The following PDE4D variants were observed in gnomAD, a reference collection of about 807,000 sequenced individuals.
PDE4D encodes phosphodiesterase 4D, also known as 3',5'-cyclic-AMP phosphodiesterase 4D.
Under a neutral mutation model 87.4 loss-of-function variants are expected in PDE4D, and 24 were observed. The ratio of observed to expected loss-of-function variants is 0.27; its 90% CI spans 0.20 to 0.39. PDE4D has a LOEUF of 0.39. Among genes scored for constraint, PDE4D ranks in the 10% least tolerant of loss-of-function variants. The probability of loss-of-function intolerance (pLI) is 1.00; values close to 1 mark genes in which losing one functional copy is unlikely to be tolerated. For synonymous variants in PDE4D, 384 were observed against 383.2 expected (o/e 1.00, Z -0.02); for missense variants, 714 against 1,041.0 (o/e 0.69, Z 4.32).
intron 2 of PDE4D, among the ~76,000 whole-genome samples, chr5:59,208,951 G>A (rs1581392825): frequency 6.6e-6 from 1 of 152,120 alleles, no homozygotes; most frequent in East Asian, 1.9e-4. Context: ...ACTAGTAACA[G>A]TGGCCAGCAC....
intron 6 of PDE4D, among the ~76,000 whole-genome samples, chr5:59,018,482 G>A (rs1349166278): frequency 6.6e-6 from 1 of 152,050 alleles, no homozygotes; most frequent in Non-Finnish European, 1.5e-5. Context: ...TTTGACTCTG[G>A]ACACAAACAA....
chr5:60,091,370 T>C (rs1775090809), intron 2 of PDE4D, among the ~76,000 whole-genome samples: 2 of 152,096 alleles, frequency 1.3e-5, no homozygotes. Flanking sequence ...GGCTAATGAG[T>C]GTATTTAAAA....
chr5:59,645,311 C>T (rs377195665), intron 1 of PDE4D, among the ~76,000 whole-genome samples: 6 of 152,078 alleles, frequency 3.9e-5, no homozygotes, highest in African/African-American at 9.6e-5. Context: ...GGAAAAGGCT[C>T]GAGGGGTGGG....
chr5:59,512,537 A>C (rs1165199714), intron 1 of PDE4D, among the ~76,000 whole-genome samples: 1 of 152,140 alleles, frequency 6.6e-6, no homozygotes, highest in Non-Finnish European at 1.5e-5. Context: ...AGGTGTTCAA[A>C]TGTCTCTCCA....
intron 1 of PDE4D, among the ~76,000 whole-genome samples, chr5:59,378,634 A>G (rs920255961): frequency 2.0e-5 from 3 of 152,202 alleles, no homozygotes; most frequent in African/African-American, 7.2e-5. Context: ...TTTGTACAAA[A>G]TGAAAAAGGA....
intron 1 of PDE4D, among the ~76,000 whole-genome samples, chr5:59,863,522 T>G (rs1746579464): frequency 6.6e-6 from 1 of 152,190 alleles, no homozygotes; most frequent in Non-Finnish European, 1.5e-5. Context: ...TAACTTCAGT[T>G]TGAAAAGAAT....
chr5:59,762,106 A>G (rs1479949797), intron 1 of PDE4D, among the ~76,000 whole-genome samples: 1 of 151,946 alleles, frequency 6.6e-6, no homozygotes, highest in Admixed American at 6.6e-5. Flanking sequence ...CCAGGTATAT[A>G]TATATGTGTG....
intron 1 of PDE4D, among the ~76,000 whole-genome samples, chr5:59,702,863 C>T (rs1752789143): frequency 1.1e-5 from 1 of 87,994 alleles, no homozygotes; most frequent in Non-Finnish European, 2.0e-5. Context: ...GAGTGAGACC[C>T]TGTCTCAAAA....
intron 6 of PDE4D, among the ~76,000 whole-genome samples, chr5:59,031,386 TA>T (rs1196063310): frequency 0.018 from 793 of 45,248 alleles, 10 homozygotes; most frequent in African/African-American, 0.12. Context: ...TATATATATA[TA>T]TATATTATAT....
chr5:59,551,278 AATTATAT>A (rs1245470109), intron 1 of PDE4D, among the ~76,000 whole-genome samples: 1 of 149,650 alleles, frequency 6.7e-6, no homozygotes, highest in Non-Finnish European at 1.5e-5. Context: ...ACATTAATAA[AATTATAT>A]ATTATATATT....
intron 1 of PDE4D, among the ~76,000 whole-genome samples, chr5:60,449,419 C>T (rs1397404224): frequency 6.2e-5 from 9 of 145,720 alleles, no homozygotes; most frequent in African/African-American, 1.8e-4. Context: ...CGCATATTCT[C>T]ACTCATAGGT....
intron 1 of PDE4D, among the ~76,000 whole-genome samples, chr5:59,539,618 T>C (rs975600583): frequency 6.6e-6 from 1 of 152,186 alleles, no homozygotes; most frequent in Non-Finnish European, 1.5e-5. Flanking sequence ...AGAATATATG[T>C]CTAGAGAGAA....
At position 58,974,938 on chromosome 5, in the gene PDE4D, G is replaced by A; in HGVS notation, c.2156C>T (p.Ala719Val). ...CCGGCCCTCCTCTGGGTCATCAGGT[G>A]CAGGAGAGGGGCTCTGAGGGATTGT... ...QSTIPQSPSP[A>V]PDDPEEGRQG... is the part of the protein sequence containing the mutation. The change falls in exon 15 of 15, where the codon GCA (alanine) becomes GTA (valine). Residue 719 changes from alanine (A) to valine (V), a missense_variant. Physicochemically the swap from Ala to Val is moderately conservative, Grantham distance 64 (BLOSUM62 0). Coordinates refer to ENST00000340635, the MANE Select transcript of PDE4D (RefSeq NM_001104631.2). 3 of 1,613,448 alleles carry A rather than the reference G, an allele frequency of 1.9e-6. No individual in the cohort carries two copies. Among genetic ancestry groups the A allele is most frequent in the Non-Finnish European group, 8.5e-7 (1 of 1,179,546 alleles).
chr5:59,637,749 CG>C (rs1287834129), intron 1 of PDE4D, among the ~76,000 whole-genome samples: 5 of 151,512 alleles, frequency 3.3e-5, no homozygotes, highest in Admixed American at 2.6e-4. Context: ...TGGGGCCTGT[CG>C]GGGGGTTGGG....
At chr5:60,203,305 T>G (rs139518954) in intron 1 of PDE4D, among the ~76,000 whole-genome samples, 118 of 152,282 alleles carry the variant, frequency 7.7e-4, no homozygotes, top group African/African-American at 2.7e-3. Context: ...AATAGCAGAT[T>G]ACCTAAATTA....
chr5:58,984,090 A>G (rs1745864906), intron 11 of PDE4D, among the ~76,000 whole-genome samples: 1 of 152,202 alleles, frequency 6.6e-6, no homozygotes, highest in African/African-American at 2.4e-5. Flanking sequence ...TTAGTTAGAA[A>G]ATGACAGCAT....
Position 59,038,946 on chromosome 5 carries a change from G to A in PDE4D, c.834C>T (p.Ser278=). 1 of 1,596,210 alleles carries A rather than the reference G, an allele frequency of 6.3e-7. No homozygotes were observed. The highest frequency in any genetic ancestry group is 8.5e-7 in the Non-Finnish European group (1 of 1,170,824). ...ITEEAYQKLA[S]ETLEELDWCL... ...ACCAGTCCAGCTCCTCCAGGGTCTC[G>A]CTGGCCAGTTTCTGGTAGGCCTCCT... The change falls in exon 6 of 15, where the codon AGC becomes AGT. Residue 278 remains serine, a synonymous_variant. Transcript: ENST00000340635.
chr5:60,334,334 A>G (rs544299231), intron 1 of PDE4D, among the ~76,000 whole-genome samples: 1 of 152,308 alleles, frequency 6.6e-6, no homozygotes, highest in East Asian at 1.9e-4. Context: ...CAATGGACCC[A>G]CCTAATAATT....
chr5:59,355,512 T>C (rs944944217), intron 1 of PDE4D, among the ~76,000 whole-genome samples: 1 of 152,178 alleles, frequency 6.6e-6, no homozygotes, highest in African/African-American at 2.4e-5. Flanking sequence ...CAATTTAGCA[T>C]ACAATAAGCA....
Sources: allele counts gnomAD v4.1 joint callset (sites outside exome capture counted in the v4.1 genomes callset), GRCh38; gene constraint gnomAD v4.1.1; transcripts MANE v1.5; gene names NCBI Gene and HGNC (gene_info 2026-07-23, HGNC 2026-07-21).